The following DLEC1 variants were observed in gnomAD, a reference collection of about 807,000 sequenced individuals.
DLEC1 encodes the protein DLEC1 cilia and flagella associated protein.
A neutral mutation model predicts 198.1 loss-of-function variants in DLEC1; 146 were observed. The observed-to-expected ratio is 0.74, with a 90% CI of 0.64 to 0.85. The LOEUF (loss-of-function observed/expected upper bound fraction) is 0.85. Ranked by LOEUF, DLEC1 falls within the 40% of genes least tolerant of loss-of-function variation. DLEC1 has a pLI of 0.00. For missense variants in DLEC1, 2,233 were observed against 2,220.0 expected, an observed-to-expected ratio of 1.01 and a Z score of -0.12; for synonymous variants, 897 against 866.8, an observed-to-expected ratio of 1.03 and a Z score of -0.61.
chr3:38,086,670 T>C (rs900431288), intron 9 of DLEC1, among the ~76,000 whole-genome samples: 1 of 152,248 alleles, frequency 6.6e-6, no homozygotes, highest in Non-Finnish European at 1.5e-5. Flanking sequence ...CCTTCTTTAT[T>C]GTAGCAAATG....
At chr3:38,043,349 T>C (rs1318047628) in intron 1 of DLEC1, among the ~76,000 whole-genome samples, 7 of 152,236 alleles carry the variant, frequency 4.6e-5, no homozygotes, top group African/African-American at 1.4e-4. Context: ...TAAGTGATAG[T>C]TGGTCTTGTT....
chr3:38,117,681 G>C, intron 32 of DLEC1, 70 bp downstream of exon 32: 1 of 1,609,768 alleles, frequency 6.2e-7, no homozygotes, highest in African/African-American at 1.3e-5. Flanking sequence ...TGCCCTTGTG[G>C]GACTCAGGCC....
At chr3:38,083,167 G>A (rs901917611) in intron 6 of DLEC1, among the ~76,000 whole-genome samples, 3 of 151,726 alleles carry the variant, frequency 2.0e-5, no homozygotes, top group Admixed American at 6.6e-5. Flanking sequence ...ACCTGAGGTC[G>A]TAGGTGGTTT....
chr3:38,084,389 GGTAGTAGTAGTAGTGGTGGTGGTA>G, intron 7 of DLEC1, 144 bp downstream of exon 7: 1 of 520,566 alleles, frequency 1.9e-6, no homozygotes, highest in Non-Finnish European at 3.1e-6. Context: ...TGGTAGTAGT[GGTAGTAGTAGTAGTGGTGGTGGTA>G]GTAGTAGTGG....
At chr3:38,041,867 GAAAT>G (rs1700673617) in intron 1 of DLEC1, among the ~76,000 whole-genome samples, 1 of 142,556 alleles carries the variant, frequency 7.0e-6, no homozygotes, top group Admixed American at 7.0e-5. Flanking sequence ...AAAAAAAAAA[GAAAT>G]ACAACTATGC....
intron 9 of DLEC1, among the ~76,000 whole-genome samples, chr3:38,087,855 G>A (rs1240501179): frequency 1.3e-5 from 2 of 152,188 alleles, no homozygotes. Flanking sequence ...TGTAGCCAGG[G>A]GTGGGTCAGG....
chr3:38,096,733 T>C lies in DLEC1; in HGVS notation c.2336T>C (p.Phe779Ser). ...ATTGGGATAAATGTGAAGAAGGCTTTTAAGGTAGGTCATTGTCTCTCCCCT... is the reference window on the plus strand; with the variant it reads ...ATTGGGATAAATGTGAAGAAGGCTTCTAAGGTAGGTCATTGTCTCTCCCCT... ...NYIGINVKKA[F>S]KMWNNSKSPI... Residue 779 changes from phenylalanine to serine, a missense_variant, in exon 15 of 37, where the codon TTT becomes TCT. Phe to Ser is a radical substitution (Grantham distance 155). Transcript: ENST00000308059. The C allele has an allele frequency of 6.2e-7, 1 of 1,606,790 alleles. No homozygotes were observed. Among genetic ancestry groups the C allele is most frequent in the Non-Finnish European group, 8.5e-7 (1 of 1,176,514 alleles).
chr3:38,092,237 C>T (rs1402068078), intron 10 of DLEC1, among the ~76,000 whole-genome samples: 3 of 152,174 alleles, frequency 2.0e-5, no homozygotes, highest in Non-Finnish European at 1.5e-5. Context: ...GAAATCCTGT[C>T]GTTTGCGACA....
chr3:38,099,981 C>G (rs944498295), intron 18 of DLEC1, among the ~76,000 whole-genome samples: 5 of 152,224 alleles, frequency 3.3e-5, no homozygotes, highest in African/African-American at 4.8e-5. Context: ...TCTCCTCTGG[C>G]TCCCCAGCTC....
intron 12 of DLEC1, among the ~76,000 whole-genome samples, chr3:38,094,342 T>TC (rs1254530500): frequency 6.6e-6 from 1 of 152,016 alleles, no homozygotes; most frequent in Non-Finnish European, 1.5e-5. Context: ...CTGTCATCTC[T>TC]CCCCCGGGAT....
At chr3:38,113,961 G>A (rs1462557586) in intron 25 of DLEC1, among the ~76,000 whole-genome samples, 1 of 151,882 alleles carries the variant, frequency 6.6e-6, no homozygotes. Flanking sequence ...TTGATCAAAG[G>A]GACTACCAGA....
chr3:38,098,792 G>A (rs1699161276), intron 18 of DLEC1, among the ~76,000 whole-genome samples: 1 of 152,150 alleles, frequency 6.6e-6, no homozygotes, highest in African/African-American at 2.4e-5. Flanking sequence ...TCTATTCCAG[G>A]GAGGCCTCGC....
chr3:38,094,957 G>A lies in DLEC1; in HGVS notation c.1998G>A (p.Met666Ile). ...QPLMPGETFS[M>I]DSIKCYPDKE... ...TCATGCCTGGAGAAACCTTCAGCAT[G>A]GACAGCATCAAGTGCTACCCCGACA... Residue 666 changes from methionine (M) to isoleucine (I), a missense_variant, in exon 13 of 37, where the codon ATG (methionine) becomes ATA (isoleucine). Physicochemically the swap from Met to Ile is conservative, Grantham distance 10. Coordinates refer to ENST00000308059, the MANE Select transcript of DLEC1 (RefSeq NM_007335.4). 2 of 1,614,198 alleles carry A rather than the reference G, an allele frequency of 1.2e-6. No individual in the cohort carries two copies. Among genetic ancestry groups the A allele is most frequent in the South Asian group, 1.1e-5 (1 of 91,090 alleles).
chr3:38,122,815 G>T lies in DLEC1; in HGVS notation c.*403G>T. 1 of 921,462 alleles carries T rather than the reference G, an allele frequency of 1.1e-6. No homozygotes were observed. Among genetic ancestry groups the T allele is most frequent in the Non-Finnish European group, 1.6e-6 (1 of 636,350 alleles). 57.1% of individuals were successfully genotyped at this position (921,462 alleles called of 1,614,324 possible). A position where few individuals can be genotyped will look rare whatever the true frequency, so the allele number is the denominator to read the frequency against. ...CCTTGTGGCCTGGGTGACCCAGGCT[G>T]CTTTTATCTTGCACAGCTAAAGAGG... On this transcript the variant is annotated 3_prime_UTR_variant, in exon 37 of 37. Transcript: ENST00000308059.
intron 33 of DLEC1, among the ~76,000 whole-genome samples, chr3:38,120,054 A>T (rs979328918): frequency 6.6e-6 from 1 of 151,886 alleles, no homozygotes; most frequent in Non-Finnish European, 1.5e-5. Context: ...GCATCATCAC[A>T]CTCATGTGTG....
chr3:38,069,715 C>T (rs942724865), intron 6 of DLEC1, among the ~76,000 whole-genome samples: 3 of 152,198 alleles, frequency 2.0e-5, no homozygotes, highest in African/African-American at 7.2e-5. Flanking sequence ...CCCTGGCCTT[C>T]CACCTGCACC....
chr3:38,117,320 C>A lies in DLEC1; in HGVS notation c.4400+18C>A. On this transcript the variant is annotated intron_variant, in intron 31 of 36. Coordinates refer to ENST00000308059, the MANE Select transcript of DLEC1 (RefSeq NM_007335.4). ...CCTGCACAGTGAGTCAGCTGGGGTG[C>A]CCCATCTCCTTTCATCCCCATGGGG... 1 of 1,613,094 alleles carries A rather than the reference C, an allele frequency of 6.2e-7. No individual in the cohort carries two copies. The highest frequency in any genetic ancestry group is 1.3e-5 in the African/African-American group (1 of 75,012).
intron 1 of DLEC1, among the ~76,000 whole-genome samples, chr3:38,044,588 G>A (rs1187556518): frequency 6.6e-6 from 1 of 151,952 alleles, no homozygotes; most frequent in African/African-American, 2.4e-5. Flanking sequence ...AAGAAAGAAA[G>A]GAAAAGAAAG....
chr3:38,085,588 T>G, intron 8 of DLEC1, 141 bp downstream of exon 8: 2 of 976,342 alleles, frequency 2.0e-6, no homozygotes, highest in Non-Finnish European at 3.0e-6. Flanking sequence ...CAGAGGAAAC[T>G]GCTAGCAGCT....
Sources: gnomAD v4.1 joint callset for allele counts (sites outside exome capture counted in the v4.1 genomes callset) on GRCh38, gnomAD v4.1.1 for gene constraint, MANE v1.5 for transcripts, NCBI Gene and HGNC (gene_info 2026-07-23, HGNC 2026-07-21) for gene names.